DNM1: variants seen among roughly 807,000 people sequenced by gnomAD.
DNM1 encodes the protein dynamin-1.
Under a neutral mutation model 104.6 loss-of-function variants are expected in DNM1, and 29 were observed. That is an observed-to-expected ratio of 0.28 (90% CI 0.21 to 0.38). The LOEUF is 0.38. DNM1 is among the 10% of genes least tolerant of loss of function. The pLI is 1.00. For synonymous variants in DNM1, 445 were observed against 475.8 expected, an observed-to-expected ratio of 0.94 and a Z score of 0.84; for missense variants, 640 against 1,189.4, an observed-to-expected ratio of 0.54 and a Z score of 6.79.
chr9:128,245,939 C>T lies in DNM1; in HGVS notation c.1672-455C>T, dbSNP rs140221395. ...CTTGTGCTGGCTGCCTTATTGCTAA[C>T]ACATGGGGAGCTCGGGGGAGTGGGC... On this transcript the variant is annotated intron_variant, in intron 15 of 21. Transcript: ENST00000372923. The surrounding 1 kb of genome is among the most constrained non-coding windows in gnomAD (Gnocchi z 5.2). 6.6e-6 allele frequency among the ~76,000 whole-genome samples: 1 copy of T among 152,236 alleles called. No homozygotes were observed. Among genetic ancestry groups the T allele is most frequent in the Admixed American group, 6.5e-5 (1 of 15,286 alleles).
rs981633924 is a variant in DNM1, at chr9:128,243,283, G to A, written c.1671+938G>A. On this transcript the variant is annotated intron_variant, in intron 15 of 21. Coordinates refer to ENST00000372923, the MANE Select transcript of DNM1 (RefSeq NM_004408.4). This position sits in a 1 kb window ranked among gnomAD's most constrained non-coding sequence, Gnocchi z 4.0. ...TTCCAGAGGTGACCAGAGAGAATGG[G>A]GAGGGCTGGGGGTGGGCTTGTGGTA... Among the ~76,000 whole-genome samples, 2 of 152,238 alleles carry A rather than the reference G, an allele frequency of 1.3e-5. No individual in the cohort carries two copies. Among genetic ancestry groups the A allele is most frequent in the Admixed American group, 6.5e-5 (1 of 15,292 alleles).
chr9:128,220,260 A>G lies in DNM1; in HGVS notation c.768A>G (p.Arg256=). The G allele has an allele frequency of 6.2e-7, 1 of 1,614,224 alleles. No individual in the cohort carries two copies. The highest frequency in any genetic ancestry group is 1.1e-5 in the South Asian group (1 of 91,090). ...KDITAALAAE[R]KFFLSHPSYR... Reference sequence around the variant, plus strand: ...TTACCGCCGCCTTGGCTGCTGAACGAAAGTTCTTCCTCTCCCATCCATCTT... The same window carrying G: ...TTACCGCCGCCTTGGCTGCTGAACGGAAGTTCTTCCTCTCCCATCCATCTT... Residue 256 remains arginine, a synonymous_variant, in exon 6 of 22, where the codon CGA becomes CGG. Transcript: ENST00000372923. The surrounding 1 kb of genome is among the most constrained non-coding windows in gnomAD (Gnocchi z 5.2).
chr9:128,208,137 G>A (rs1834084409), intron 1 of DNM1, among the ~76,000 whole-genome samples: 2 of 151,446 alleles, frequency 1.3e-5, no homozygotes, highest in Admixed American at 6.6e-5. Flanking sequence ...TCAGCTCACT[G>A]CAACCTCCAC....
Position 128,240,099 on chromosome 9 carries a change from C to T in DNM1, c.1557+103C>T. ...GTAGGAGGGCACCCTTTGGCTGAAG[C>T]TGCTTGTACACACCAGCCCCTGGCA... On this transcript the variant is annotated intron_variant, in intron 14 of 21. Transcript: ENST00000372923. The surrounding 1 kb of genome is among the most constrained non-coding windows in gnomAD (Gnocchi z 5.1). 8.8e-6 allele frequency: 12 copies of T among 1,359,904 alleles called. No individual in the cohort carries two copies. The South Asian group carries it at 1.4e-4, about 16-fold the overall frequency. 84.2% of individuals were successfully genotyped at this position (1,359,904 alleles called of 1,614,324 possible). A position where few individuals can be genotyped will look rare whatever the true frequency, so the allele number is the denominator to read the frequency against.
rs944219831 is a variant in DNM1, at chr9:128,243,478, G to T, written c.1671+1133G>T. Among the ~76,000 whole-genome samples the T allele has an allele frequency of 3.3e-5, 5 of 152,218 alleles. No homozygotes were observed. Among genetic ancestry groups the T allele is most frequent in the African/African-American group, 1.2e-4 (5 of 41,452 alleles). ...TCTCCTCCAAGTTTGTCCTGGGCAG[G>T]GGCCCCAACTCTCCACCTTGGGAGG... On this transcript the variant is annotated intron_variant, in intron 15 of 21. Transcript: ENST00000372923. This position sits in a 1 kb window ranked among gnomAD's most constrained non-coding sequence, Gnocchi z 4.0.
chr9:128,232,245 G>A, intron 10 of DNM1: 2 of 342,746 alleles, frequency 5.8e-6, no homozygotes, highest in Non-Finnish European at 1.2e-5. Context: ...AGGAGGCCTG[G>A]TGGCTGTGAC....
At chr9:128,250,662 C>T (rs1554785633) in intron 20 of DNM1, 63 bp from the exon 21 acceptor site, 1 of 1,317,658 alleles carries the variant, frequency 7.6e-7, no homozygotes, top group Non-Finnish European at 9.9e-7. Flanking sequence ...TGGGGCGGGG[C>T]CTCTGGGTGG....
Position 128,224,179 on chromosome 9 carries a change from G to T in DNM1, c.1197-72G>T. Reference sequence around the variant, plus strand: ...AGGCAGAGTTCGTGGGCTTGGGGAGGAGCCTCGGCCTGGCCCTCCTGGCCG... The same window carrying T: ...AGGCAGAGTTCGTGGGCTTGGGGAGTAGCCTCGGCCTGGCCCTCCTGGCCG... On this transcript the variant is annotated intron_variant, in intron 9 of 21. Coordinates refer to ENST00000372923, the MANE Select transcript of DNM1 (RefSeq NM_004408.4). The surrounding 1 kb of genome is among the most constrained non-coding windows in gnomAD (Gnocchi z 4.3). 2 of 1,538,212 alleles carry T rather than the reference G, an allele frequency of 1.3e-6. No homozygotes were observed. Among genetic ancestry groups the T allele is most frequent in the Non-Finnish European group, 1.8e-6 (2 of 1,138,736 alleles).
chr9:128,217,473 A>G (rs971486334), intron 1 of DNM1, among the ~76,000 whole-genome samples: 18 of 152,020 alleles, frequency 1.2e-4, no homozygotes, highest in African/African-American at 3.9e-4. Flanking sequence ...CTGGAGTGCA[A>G]TGGCGCGATC....
chr9:128,212,553 T>C (rs911957240), intron 1 of DNM1, among the ~76,000 whole-genome samples: 2 of 152,208 alleles, frequency 1.3e-5, no homozygotes, highest in African/African-American at 2.4e-5. Context: ...TGTAGCTGCA[T>C]AGTGAATAAC....
rs758891754 is a variant in DNM1, at chr9:128,220,094, G to A, written c.688+8G>A. ...TGCTCCCCCTGCGCAGAGGTAAGCA[G>A]GCCATGCCCCTCAACCACTCCCCAG... On this transcript the variant is annotated splice_region_variant and intron_variant, in intron 5 of 21. Transcript: ENST00000372923. The surrounding 1 kb of genome is among the most constrained non-coding windows in gnomAD (Gnocchi z 5.2). 1 of 1,613,088 alleles carries A rather than the reference G, an allele frequency of 6.2e-7. No individual in the cohort carries two copies. Among genetic ancestry groups the A allele is most frequent in the Admixed American group, 1.7e-5 (1 of 59,946 alleles).
chr9:128,224,221 C>T lies in DNM1; in HGVS notation c.1197-30C>T, dbSNP rs776225075. 5.0e-6 allele frequency: 8 copies of T among 1,605,762 alleles called. No individual in the cohort carries two copies. Among genetic ancestry groups the T allele is most frequent in the Non-Finnish European group, 6.8e-6 (8 of 1,175,674 alleles). On this transcript the variant is annotated intron_variant, in intron 9 of 21. Coordinates refer to ENST00000372923, the MANE Select transcript of DNM1 (RefSeq NM_004408.4). This position sits in a 1 kb window ranked among gnomAD's most constrained non-coding sequence, Gnocchi z 4.3. Reference sequence around the variant, plus strand: ...TCCTGGCCGGCACTGGCCTGTGACACTCTGCCCTTCTCCCGCTCCGGGCGT... The same window carrying T: ...TCCTGGCCGGCACTGGCCTGTGACATTCTGCCCTTCTCCCGCTCCGGGCGT...
chr9:128,240,095 G>A lies in DNM1; in HGVS notation c.1557+99G>A. ...ACGGGTAGGAGGGCACCCTTTGGCT[G>A]AAGCTGCTTGTACACACCAGCCCCT... On this transcript the variant is annotated intron_variant, in intron 14 of 21. Transcript: ENST00000372923. The surrounding 1 kb of genome is among the most constrained non-coding windows in gnomAD (Gnocchi z 5.1). 1 of 1,406,718 alleles carries A rather than the reference G, an allele frequency of 7.1e-7. No homozygotes were observed. Among genetic ancestry groups the A allele is most frequent in the Non-Finnish European group, 1.0e-6 (1 of 993,580 alleles). 87.1% of individuals were successfully genotyped at this position (1,406,718 alleles called of 1,614,324 possible). A position where few individuals can be genotyped will look rare whatever the true frequency, so the allele number is the denominator to read the frequency against.
At position 128,253,623 on chromosome 9, in the gene DNM1, C is replaced by G. The variant is rs1829664836; in HGVS notation, c.2535-1031C>G. 1 of 204,228 alleles carries G rather than the reference C, an allele frequency of 4.9e-6. No individual in the cohort carries two copies. Among genetic ancestry groups the G allele is most frequent in the Non-Finnish European group, 9.8e-6 (1 of 102,380 alleles). The allele number at this position is 204,228 out of a possible 1,614,324, so 12.7% of individuals were successfully genotyped here. On this transcript the variant is annotated intron_variant, in intron 21 of 21. Transcript: ENST00000372923. This position sits in a 1 kb window ranked among gnomAD's most constrained non-coding sequence, Gnocchi z 5.9. ...AGCCTGGGAGTGCTGAGAGCCAAAT[C>G]CACCGTAGAGCAGGGGTGAGAGTCA...
At chr9:128,231,793 C>T (rs926317152) in intron 10 of DNM1, among the ~76,000 whole-genome samples, 5 of 152,182 alleles carry the variant, frequency 3.3e-5, no homozygotes, top group Non-Finnish European at 7.3e-5. Context: ...ATTACTACCC[C>T]ATTTTCCACA....
intron 19 of DNM1, among the ~76,000 whole-genome samples, chr9:128,249,146 TCC>T (rs746554364): frequency 2.1e-5 from 3 of 144,070 alleles, no homozygotes; most frequent in Non-Finnish European, 4.5e-5. Context: ...TGAACCGAGA[TCC>T]TGCCACTGCA....
chr9:128,243,394 G>GA lies in DNM1; in HGVS notation c.1671+1050dup, dbSNP rs1836517999. On this transcript the variant is annotated intron_variant, in intron 15 of 21. Coordinates refer to ENST00000372923, the MANE Select transcript of DNM1 (RefSeq NM_004408.4). The surrounding 1 kb of genome is among the most constrained non-coding windows in gnomAD (Gnocchi z 4.0). Reference sequence around the variant, plus strand: ...GGAGGCTACAGCATCCTCAACGGGGGAGCGGGGCTCTGGGTGGGGCCTGTG... The same window carrying GA: ...GGAGGCTACAGCATCCTCAACGGGGGAAGCGGGGCTCTGGGTGGGGCCTGTG... Among the ~76,000 whole-genome samples the GA allele has an allele frequency of 6.6e-6, 1 of 152,100 alleles. No individual in the cohort carries two copies. Among genetic ancestry groups the GA allele is most frequent in the Non-Finnish European group, 1.5e-5 (1 of 68,012 alleles).
intron 1 of DNM1, among the ~76,000 whole-genome samples, chr9:128,213,821 C>T (rs1834448452): frequency 6.6e-6 from 1 of 152,162 alleles, no homozygotes; most frequent in African/African-American, 2.4e-5. Flanking sequence ...AGCCTAGTCC[C>T]TGCTCCCGGG....
In DNM1 at chr9:128,226,423, A is replaced by G. The variant is rs534142639; in HGVS notation, c.1335+2034A>G. ...GCTAGTGATGAAGATGATGTTAAGGAGATGGCAGCTGTTTACTGAGCACCT... is the reference window on the plus strand; with the variant it reads ...GCTAGTGATGAAGATGATGTTAAGGGGATGGCAGCTGTTTACTGAGCACCT... On this transcript the variant is annotated intron_variant, in intron 10 of 21. Coordinates refer to ENST00000372923, the MANE Select transcript of DNM1 (RefSeq NM_004408.4). Among the ~76,000 whole-genome samples, 353 of 152,362 alleles carry G rather than the reference A, an allele frequency of 2.3e-3. 1 individual carries two copies. The highest frequency in any genetic ancestry group is 8.2e-3 in the African/African-American group (341 of 41,588).
Sources: allele counts gnomAD v4.1 joint callset (sites outside exome capture counted in the v4.1 genomes callset), GRCh38; gene constraint gnomAD v4.1.1; non-coding constraint Gnocchi (gnomAD v3.1); transcripts MANE v1.5; gene names NCBI Gene and HGNC (gene_info 2026-07-23, HGNC 2026-07-21).